PPP2R2B: variants seen among roughly 807,000 people sequenced by gnomAD.
PPP2R2B encodes protein phosphatase 2 regulatory subunit Bbeta.
Under a neutral mutation model 46.0 loss-of-function variants are expected in PPP2R2B, and 5 were observed. The ratio of observed to expected loss-of-function variants is 0.11; its 90% CI spans 0.06 to 0.23. The LOEUF is 0.23. Ranked by LOEUF, PPP2R2B falls within the 10% of genes least tolerant of loss-of-function variation. The pLI is 1.00. For synonymous variants in PPP2R2B, 215 were observed against 206.7 expected (o/e 1.04, Z -0.34); for missense variants, 367 against 575.0 (o/e 0.64, Z 3.70).
At chr5:146,662,367 A>C (rs1046532913) in intron 5 of PPP2R2B, among the ~76,000 whole-genome samples, 8 of 152,210 alleles carry the variant, frequency 5.3e-5, no homozygotes, top group African/African-American at 1.9e-4. Context: ...TACTAGCAAC[A>C]CTTTGATTTA....
At chr5:146,735,353 C>A (rs1199823634) in intron 2 of PPP2R2B, among the ~76,000 whole-genome samples, 1 of 151,402 alleles carries the variant, frequency 6.6e-6, no homozygotes, top group East Asian at 1.9e-4. Context: ...CTACTCTCTT[C>A]TCCCACCCCT....
intron 1 of PPP2R2B, among the ~76,000 whole-genome samples, chr5:146,902,578 G>A (rs762164648): frequency 1.1e-4 from 17 of 152,078 alleles, no homozygotes; most frequent in South Asian, 8.3e-4. Context: ...AACTACACAC[G>A]GCCTCGTTAA....
chr5:146,771,191 T>C (rs1754832954), intron 2 of PPP2R2B, among the ~76,000 whole-genome samples: 1 of 152,186 alleles, frequency 6.6e-6, no homozygotes, highest in African/African-American at 2.4e-5. Flanking sequence ...CCTAATCCCA[T>C]GGTCTGGCTC....
At chr5:146,903,391 C>CT (rs58777308) in intron 1 of PPP2R2B, among the ~76,000 whole-genome samples, 2,577 of 120,766 alleles carry the variant, frequency 0.021, 48 homozygotes, top group African/African-American at 0.042. Flanking sequence ...CTTTCTTTCT[C>CT]TTTTTTTTTT....
chr5:146,786,474 A>C (rs1755845365), intron 2 of PPP2R2B, among the ~76,000 whole-genome samples: 1 of 152,022 alleles, frequency 6.6e-6, no homozygotes, highest in African/African-American at 2.4e-5. Context: ...ACTTCCTGAA[A>C]CCCCTGGCTG....
chr5:146,602,374 TA>T lies in PPP2R2B; in HGVS notation c.791-1915del, dbSNP rs1771868344. On this transcript the variant is annotated intron_variant, in intron 7 of 9. Coordinates refer to ENST00000394411, the MANE Select transcript of PPP2R2B (RefSeq NM_181675.4). Reference sequence around the variant, plus strand: ...TCACTGGAGCCAAAGCCAGATAAATTAACAGATTCTTTGCCTTCTGGGTGCT... The same window carrying T: ...TCACTGGAGCCAAAGCCAGATAAATTACAGATTCTTTGCCTTCTGGGTGCT... Among the ~76,000 whole-genome samples the T allele has an allele frequency of 5.9e-5, 9 of 152,304 alleles. 1 individual carries two copies. In the South Asian group the frequency reaches 1.9e-3, roughly 32 times the overall value.
At chr5:146,748,083 G>A (rs1013475464) in intron 2 of PPP2R2B, among the ~76,000 whole-genome samples, 7 of 152,274 alleles carry the variant, frequency 4.6e-5, no homozygotes, top group African/African-American at 1.7e-4. Context: ...CTTAAGCATT[G>A]TAACTGCATG....
intron 1 of PPP2R2B, among the ~76,000 whole-genome samples, chr5:146,920,548 G>A (rs935434100): frequency 1.3e-5 from 2 of 152,172 alleles, no homozygotes; most frequent in Non-Finnish European, 2.9e-5. Context: ...AGTGCTTTCC[G>A]ACTGAGTTAA....
intron 2 of PPP2R2B, among the ~76,000 whole-genome samples, chr5:146,851,761 G>A (rs1760362336): frequency 6.6e-6 from 1 of 152,018 alleles, no homozygotes; most frequent in Non-Finnish European, 1.5e-5. Flanking sequence ...AAAGATCAAA[G>A]TGCCTTGCTC....
chr5:146,942,898 C>T (rs1209590861), intron 1 of PPP2R2B, among the ~76,000 whole-genome samples: 1 of 151,772 alleles, frequency 6.6e-6, no homozygotes, highest in African/African-American at 2.4e-5. Context: ...CCCAGGTTCA[C>T]ACCATTCTAC....
At chr5:146,980,897 C>A (rs937914763) in intron 1 of PPP2R2B, among the ~76,000 whole-genome samples, 1 of 151,966 alleles carries the variant, frequency 6.6e-6, no homozygotes. Flanking sequence ...TGTGTTGTAA[C>A]CTATCAGTTT....
At chr5:146,865,571 A>T (rs1363859580) in intron 2 of PPP2R2B, among the ~76,000 whole-genome samples, 1 of 152,146 alleles carries the variant, frequency 6.6e-6, no homozygotes, top group Non-Finnish European at 1.5e-5. Context: ...CAGGGTCTAC[A>T]TTTAATTTTT....
At chr5:146,848,190 A>T (rs1455007333) in intron 2 of PPP2R2B, among the ~76,000 whole-genome samples, 1 of 152,152 alleles carries the variant, frequency 6.6e-6, no homozygotes, top group Non-Finnish European at 1.5e-5. Flanking sequence ...ATTTAGATTG[A>T]CAGAAAAATG....
intron 1 of PPP2R2B, among the ~76,000 whole-genome samples, chr5:146,985,705 T>C (rs1290326104): frequency 6.6e-6 from 1 of 152,164 alleles, no homozygotes; most frequent in African/African-American, 2.4e-5. Context: ...CAATGTAGTA[T>C]TGAAAGTCCT....
intron 1 of PPP2R2B, among the ~76,000 whole-genome samples, chr5:146,922,082 G>C (rs1763627112): frequency 6.6e-6 from 1 of 152,158 alleles, no homozygotes; most frequent in Non-Finnish European, 1.5e-5. Flanking sequence ...TAAACTGTAT[G>C]CTAAACTGTA....
chr5:146,820,100 G>T (rs895033940), intron 2 of PPP2R2B, among the ~76,000 whole-genome samples: 2 of 152,194 alleles, frequency 1.3e-5, no homozygotes, highest in African/African-American at 4.8e-5. Context: ...TACAAAGCCA[G>T]TTAGATGGGA....
chr5:146,760,560 A>G (rs1864949), intron 2 of PPP2R2B, among the ~76,000 whole-genome samples: 3,729 of 152,326 alleles, frequency 0.024, 82 homozygotes, highest in Non-Finnish European at 0.035. Context: ...TTATCAAACT[A>G]AACAATTTAA....
intron 2 of PPP2R2B, among the ~76,000 whole-genome samples, chr5:146,808,990 T>C (rs1012515809): frequency 2.0e-5 from 3 of 150,582 alleles, no homozygotes; most frequent in African/African-American, 7.4e-5. Flanking sequence ...TGTGTGTGTG[T>C]GTGTGCGCGC....
chr5:146,821,241 A>G (rs186774810), intron 2 of PPP2R2B, among the ~76,000 whole-genome samples: 1 of 152,240 alleles, frequency 6.6e-6, no homozygotes, highest in Non-Finnish European at 1.5e-5. Flanking sequence ...ATCCTCAAAT[A>G]CATCAACCCA....
Sources: allele counts gnomAD v4.1 joint callset (sites outside exome capture counted in the v4.1 genomes callset), GRCh38; gene constraint gnomAD v4.1.1; transcripts MANE v1.5; gene names NCBI Gene and HGNC (gene_info 2026-07-23, HGNC 2026-07-21).